The following ADGRG6 variants were observed in gnomAD, a reference collection of about 807,000 sequenced individuals.
The protein encoded by ADGRG6 is G-protein coupled receptor 126.
ADGRG6 carries 84 observed loss-of-function variants against 142.4 expected under a neutral mutation model. The observed-to-expected ratio is 0.59, with a 90% confidence interval of 0.49 to 0.71. The LOEUF (loss-of-function observed/expected upper bound fraction) is 0.71. Ranked by LOEUF, ADGRG6 falls within the 30% of genes least tolerant of loss-of-function variation. ADGRG6 has a pLI of 0.00. For synonymous variants in ADGRG6, 521 were observed against 520.5 expected (o/e 1.00, Z -0.01); for missense variants, 1,367 against 1,466.6 (o/e 0.93, Z 1.11).
At chr6:142,392,830 T>C (rs1336729942) in intron 7 of ADGRG6, 118 bp from the exon 8 acceptor site, 1 of 674,268 alleles carries the variant, frequency 1.5e-6, no homozygotes, top group East Asian at 2.6e-5. Context: ...CTCCTCCAAC[T>C]CTTCAGGATT....
At chr6:142,374,053 T>C (rs947893073) in intron 4 of ADGRG6, among the ~76,000 whole-genome samples, 23 of 152,176 alleles carry the variant, frequency 1.5e-4, no homozygotes, top group Non-Finnish European at 2.4e-4. Context: ...CCCATTAGTT[T>C]ATATATTGTC....
rs147451480 is a variant in ADGRG6, at chr6:142,438,951, T to G, written c.3574+587T>G. On this transcript the variant is annotated intron_variant, in intron 24 of 24. Coordinates refer to ENST00000367609, the MANE Select transcript of ADGRG6 (RefSeq NM_198569.3). ...TTACAATTGCTGCACATTCTGACAC[T>G]GAACATGTATGTGAAAAATCCTGAC... Among the ~76,000 whole-genome samples the G allele has an allele frequency of 9.5e-4, 144 of 152,304 alleles. 1 individual carries two copies. The highest frequency in any genetic ancestry group is 1.6e-3 in the Non-Finnish European group (106 of 68,024).
At chr6:142,315,618 G>A (rs1015367770) in intron 2 of ADGRG6, among the ~76,000 whole-genome samples, 1 of 151,906 alleles carries the variant, frequency 6.6e-6, no homozygotes, top group Non-Finnish European at 1.5e-5. Context: ...AGATCATGAG[G>A]CCAGAAGTTT....
chr6:142,317,077 G>T (rs1053294113), intron 2 of ADGRG6, among the ~76,000 whole-genome samples: 1 of 152,076 alleles, frequency 6.6e-6, no homozygotes, highest in Non-Finnish European at 1.5e-5. Flanking sequence ...AAACAATAGG[G>T]TTTGTGGTTT....
intron 2 of ADGRG6, among the ~76,000 whole-genome samples, chr6:142,318,404 AAT>A (rs557140736): frequency 1.8e-5 from 2 of 112,398 alleles, no homozygotes; most frequent in Non-Finnish European, 3.5e-5. Context: ...ATGTAATTTA[AAT>A]ATATATATAA....
chr6:142,306,590 G>A (rs1274782420), intron 1 of ADGRG6, among the ~76,000 whole-genome samples: 3 of 152,004 alleles, frequency 2.0e-5, no homozygotes, highest in Admixed American at 6.6e-5. Context: ...TCCAGATATA[G>A]GAGTCTATGA....
intron 9 of ADGRG6, 25 bp downstream of exon 9, chr6:142,393,983 A>AAT: frequency 2.9e-6 from 4 of 1,403,410 alleles, no homozygotes; most frequent in Middle Eastern, 1.8e-4. Context: ...TATTGTAAAG[A>AAT]GTATAACATT....
At chr6:142,427,874 G>C (rs1417768715) in intron 22 of ADGRG6, among the ~76,000 whole-genome samples, 2 of 152,100 alleles carry the variant, frequency 1.3e-5, no homozygotes, top group Non-Finnish European at 2.9e-5. Context: ...ACTATCACGA[G>C]AACAGCCCAG....
At chr6:142,345,439 C>A (rs1779853640) in intron 2 of ADGRG6, among the ~76,000 whole-genome samples, 1 of 151,916 alleles carries the variant, frequency 6.6e-6, no homozygotes, top group South Asian at 2.1e-4. Context: ...CTATATTAAA[C>A]CTCTTAGTTT....
chr6:142,400,536 A>G lies in ADGRG6; in HGVS notation c.1619A>G (p.Gln540Arg). ...EPKGYYWPSI[Q>R]PSEYVLPCPD... Reference sequence around the variant, plus strand: ...AAAGGCTACTACTGGCCATCTATCCAACCTTCTGAATACGTTCTTCCTTGT... The same window carrying G: ...AAAGGCTACTACTGGCCATCTATCCGACCTTCTGAATACGTTCTTCCTTGT... Residue 540 changes from glutamine to arginine, a missense_variant, in exon 11 of 25, where the codon CAA (glutamine) becomes CGA (arginine). Physicochemically the swap from Gln to Arg is conservative, Grantham distance 43 (BLOSUM62 1). Transcript: ENST00000367609. 2 of 1,608,794 alleles carry G rather than the reference A, an allele frequency of 1.2e-6. No homozygotes were observed.
intron 2 of ADGRG6, among the ~76,000 whole-genome samples, chr6:142,317,630 G>A (rs929191169): frequency 7.0e-6 from 1 of 141,898 alleles, no homozygotes; most frequent in East Asian, 2.0e-4. Context: ...ATAAATGAGC[G>A]GTGTGTGTGT....
At position 142,390,470 on chromosome 6, in the gene ADGRG6, T is replaced by C. The variant is rs1263843770; in HGVS notation, c.1308+127T>C. ...ATGGTATTCATTAGAAATATATGAG[T>C]AGATATGTAAGTGAGGTGTTGTCCT... On this transcript the variant is annotated intron_variant, in intron 7 of 24. Coordinates refer to ENST00000367609, the MANE Select transcript of ADGRG6 (RefSeq NM_198569.3). 9 of 495,436 alleles carry C rather than the reference T, an allele frequency of 1.8e-5. No individual in the cohort carries two copies. In the East Asian group the frequency reaches 2.7e-4, roughly 15 times the overall value. The allele number at this position is 495,436 out of a possible 1,614,324, so 30.7% of individuals were successfully genotyped here.
At chr6:142,404,267 G>A (rs1000791413) in intron 14 of ADGRG6, 1 of 336,972 alleles carries the variant, frequency 3.0e-6, no homozygotes, top group African/African-American at 2.2e-5. Context: ...TCAGTTAGAG[G>A]AAAGAGCTTT....
chr6:142,380,230 A>T (rs1211343321), intron 4 of ADGRG6, among the ~76,000 whole-genome samples: 1 of 152,174 alleles, frequency 6.6e-6, no homozygotes, highest in Admixed American at 6.5e-5. Context: ...CTTAGGGTCT[A>T]TGTTGATGTT....
Position 142,443,720 on chromosome 6 carries a change from G to T in ADGRG6, c.*205G>T, listed in dbSNP as rs1777865103. 3 of 451,620 alleles carry T rather than the reference G, an allele frequency of 6.6e-6. No homozygotes were observed. In the Admixed American group the frequency reaches 1.2e-4, roughly 18 times the overall value. 28.0% of individuals were successfully genotyped at this position (451,620 alleles called of 1,614,324 possible). A position where few individuals can be genotyped will look rare whatever the true frequency, so the allele number is the denominator to read the frequency against. ...AAGAGTTGTCATCACTAAAACTTCA[G>T]TACTGAGAGTAACATGACTCAGTAG... is the stretch of plus-strand genomic sequence containing the variant. On this transcript the variant is annotated 3_prime_UTR_variant, in exon 25 of 25. Coordinates refer to ENST00000367609, the MANE Select transcript of ADGRG6 (RefSeq NM_198569.3).
chr6:142,306,518 T>C (rs896096381), intron 1 of ADGRG6, among the ~76,000 whole-genome samples: 20 of 152,252 alleles, frequency 1.3e-4, no homozygotes, highest in Admixed American at 9.2e-4. Flanking sequence ...GGCAAGTAGT[T>C]TAGTATCTCA....
Position 142,411,327 on chromosome 6 carries a change from G to A in ADGRG6, c.2457G>A (p.Thr819=), listed in dbSNP as rs371011778. 4.3e-5 allele frequency: 69 copies of A among 1,603,146 alleles called. 1 individual carries two copies. The Admixed American group carries it at 6.0e-4, about 14-fold the overall frequency. Residue 819 remains threonine (T), a synonymous_variant, in exon 18 of 25, where the codon ACG becomes ACA. Transcript: ENST00000367609. ...CAGAAAGTTTTGGAGGATGGAACAC[G>A]TCAGGATGTGTTGCACACAGAGATT... The part of the protein sequence containing the change: ...NKNKSFGGWN[T]SGCVAHRDSD...
At chr6:142,410,159 G>A (rs890888103) in intron 17 of ADGRG6, among the ~76,000 whole-genome samples, 1 of 152,024 alleles carries the variant, frequency 6.6e-6, no homozygotes, top group Non-Finnish European at 1.5e-5. Flanking sequence ...TCATTTTTCA[G>A]TTGAACAACC....
At chr6:142,384,577 T>A (rs1320279071) in intron 6 of ADGRG6, among the ~76,000 whole-genome samples, 1 of 152,146 alleles carries the variant, frequency 6.6e-6, no homozygotes, top group Non-Finnish European at 1.5e-5. Context: ...CAGTGAGCAA[T>A]TTCAGTTTCT....
Sources: gnomAD v4.1 joint callset for allele counts (sites outside exome capture counted in the v4.1 genomes callset) on GRCh38, gnomAD v4.1.1 for gene constraint, MANE v1.5 for transcripts, NCBI Gene and HGNC (gene_info 2026-07-23, HGNC 2026-07-21) for gene names.